The following P3H2 variants were observed in gnomAD, a reference collection of about 807,000 sequenced individuals.
The protein encoded by P3H2 is prolyl 3-hydroxylase 2.
P3H2 carries 80 observed loss-of-function variants against 87.0 expected under a neutral mutation model. The observed-to-expected ratio is 0.92, with a 90% CI of 0.77 to 1.11. The LOEUF (loss-of-function observed/expected upper bound fraction) is 1.11. Ranked by LOEUF, P3H2 falls within the 50% of genes least tolerant of loss-of-function variation. The pLI, the probability that P3H2 is intolerant of heterozygous loss-of-function variation, is 0.00. For missense variants in P3H2, 1,001 were observed against 923.9 expected, an observed-to-expected ratio of 1.08 and a Z score of -1.08; for synonymous variants, 367 against 359.3, an observed-to-expected ratio of 1.02 and a Z score of -0.24.
intron 13 of P3H2, among the ~76,000 whole-genome samples, chr3:189,966,123 AAAAGAAAGAAAGAAAGAAAG>A (rs34608513): frequency 0.037 from 3,726 of 101,922 alleles, 98 homozygotes; most frequent in Admixed American, 0.064. Context: ...GAAAGAAAGA[AAAAGAAAGAAAGAAAGAAAG>A]AAAGAAAGAA....
chr3:190,035,868 G>C (rs911231985), intron 1 of P3H2, among the ~76,000 whole-genome samples: 1 of 152,128 alleles, frequency 6.6e-6, no homozygotes, highest in Non-Finnish European at 1.5e-5. Context: ...CTAATTAGCA[G>C]TAATATTTGG....
At chr3:190,114,421 C>T (rs1037916338) in intron 1 of P3H2, among the ~76,000 whole-genome samples, 2 of 151,866 alleles carry the variant, frequency 1.3e-5, no homozygotes, top group African/African-American at 4.8e-5. Flanking sequence ...CTCCTGACCT[C>T]GTGATACGCC....
chr3:190,030,030 A>G (rs1159005038), intron 1 of P3H2, among the ~76,000 whole-genome samples: 1 of 152,062 alleles, frequency 6.6e-6, no homozygotes. Flanking sequence ...AAAAGAAAAA[A>G]AGATAATGTG....
chr3:190,094,394 T>C (rs549903769), intron 1 of P3H2, among the ~76,000 whole-genome samples: 1 of 152,372 alleles, frequency 6.6e-6, no homozygotes, highest in South Asian at 2.1e-4. Flanking sequence ...ACATATCTGA[T>C]GTCCTTGAAT....
chr3:189,960,787 T>C (rs556280163), intron 14 of P3H2, among the ~76,000 whole-genome samples: 187 of 152,318 alleles, frequency 1.2e-3, no homozygotes, highest in African/African-American at 4.3e-3. Flanking sequence ...TTTTATGAAT[T>C]GAAAACAAAG....
rs371958200 is a variant in P3H2 at position 190,100,832 on chromosome 3, T to C, written c.480+19420A>G. ...CCGCTTCTGATTGTGCTTCATTTTA[T>C]TGCACTTTCCAGATATTGTTTTTCA... On this transcript the variant is annotated intron_variant, in intron 1 of 14. Transcript: ENST00000319332. Among the ~76,000 whole-genome samples the C allele has an allele frequency of 1.3e-5, 2 of 152,240 alleles. 1 individual carries two copies. The highest frequency in any genetic ancestry group is 3.9e-4 in the East Asian group (2 of 5,158).
intron 1 of P3H2, among the ~76,000 whole-genome samples, chr3:190,105,914 T>C (rs967045916): frequency 1.3e-5 from 2 of 152,226 alleles, no homozygotes; most frequent in South Asian, 2.1e-4. Flanking sequence ...AACCCTCTAC[T>C]ACTTTTTGTG....
At chr3:190,079,532 G>A (rs941328955) in intron 1 of P3H2, among the ~76,000 whole-genome samples, 6 of 152,008 alleles carry the variant, frequency 3.9e-5, no homozygotes, top group African/African-American at 1.5e-4. Flanking sequence ...AATCATTTTA[G>A]ATATATGCCA....
chr3:190,039,774 T>C (rs1414073439), intron 1 of P3H2, among the ~76,000 whole-genome samples: 2 of 152,224 alleles, frequency 1.3e-5, no homozygotes, highest in Non-Finnish European at 2.9e-5. Flanking sequence ...ATTATTCGGG[T>C]TGATTTTCTA....
intron 1 of P3H2, among the ~76,000 whole-genome samples, chr3:190,039,413 T>A (rs1272926414): frequency 6.6e-6 from 1 of 152,210 alleles, no homozygotes; most frequent in East Asian, 1.9e-4. Context: ...ATGCATCTAA[T>A]TCTGATATGA....
intron 1 of P3H2, among the ~76,000 whole-genome samples, chr3:190,018,859 T>C (rs909517806): frequency 2.0e-5 from 3 of 152,188 alleles, no homozygotes; most frequent in Non-Finnish European, 4.4e-5. Context: ...CTTTCTAAAT[T>C]ATTCACTCTT....
chr3:190,007,809 ATT>A (rs63040660), intron 1 of P3H2, among the ~76,000 whole-genome samples: 18 of 144,224 alleles, frequency 1.2e-4, no homozygotes, highest in East Asian at 4.1e-4. Flanking sequence ...CAGCGTTCAG[ATT>A]TTTTTTTTTT....
chr3:189,985,806 T>C (rs1458822615), intron 6 of P3H2, among the ~76,000 whole-genome samples: 1 of 152,032 alleles, frequency 6.6e-6, no homozygotes, highest in Non-Finnish European at 1.5e-5. Context: ...ATAATTCAAA[T>C]GTTCAGCAGA....
At chr3:190,080,682 G>A (rs1347751190) in intron 1 of P3H2, among the ~76,000 whole-genome samples, 1 of 152,162 alleles carries the variant, frequency 6.6e-6, no homozygotes, top group Non-Finnish European at 1.5e-5. Context: ...GATTACAGGT[G>A]TGAGCCACCG....
chr3:190,101,368 C>CAAAAAAAAA (rs34737545), intron 1 of P3H2, among the ~76,000 whole-genome samples: 7 of 23,954 alleles, frequency 2.9e-4, no homozygotes, highest in Admixed American at 7.2e-4. Flanking sequence ...ATCATGAACG[C>CAAAAAAAAA]AAAAAAAAAA....
intron 14 of P3H2, among the ~76,000 whole-genome samples, chr3:189,962,161 C>CTTCTTT (rs1560336856): frequency 3.4e-5 from 3 of 87,612 alleles, no homozygotes; most frequent in Non-Finnish European, 6.4e-5. Flanking sequence ...TCTTCTTCTT[C>CTTCTTT]TTTTTTTTTT....
rs1712531541 is a variant in P3H2, at chr3:190,120,618, G to A, written c.114C>T (p.Pro38=). ...DSPRRELELE[P]GPLQPFDLLY... is the part of the protein sequence containing the mutation. ...GCAGGTCGAAGGGCTGCAGAGGCCC[G>A]GGCTCCAGCTCCAGCTCCCGGCGTG... The change falls in exon 1 of 15, where the codon CCC becomes CCT. Residue 38 remains proline, a synonymous_variant. Coordinates refer to ENST00000319332, the MANE Select transcript of P3H2 (RefSeq NM_018192.4). 1.3e-6 allele frequency: 2 copies of A among 1,537,860 alleles called. No homozygotes were observed. The highest frequency in any genetic ancestry group is 1.4e-5 in the African/African-American group (1 of 71,152).
intron 3 of P3H2, among the ~76,000 whole-genome samples, chr3:189,989,729 CT>C (rs1191015855): frequency 1.3e-5 from 2 of 152,152 alleles, no homozygotes; most frequent in Non-Finnish European, 2.9e-5. Context: ...AGGATGTAAA[CT>C]AAAGGAATGA....
intron 1 of P3H2, among the ~76,000 whole-genome samples, chr3:190,070,257 G>C (rs115666534): frequency 6.6e-6 from 1 of 152,094 alleles, no homozygotes; most frequent in African/African-American, 2.4e-5. Flanking sequence ...GAGAGAGGAA[G>C]AGAAGCAGAT....
Sources: allele counts gnomAD v4.1 joint callset (sites outside exome capture counted in the v4.1 genomes callset), GRCh38; gene constraint gnomAD v4.1.1; transcripts MANE v1.5; gene names NCBI Gene and HGNC (gene_info 2026-07-23, HGNC 2026-07-21).